Variants in TMEM229B observed in about 807,000 individuals in gnomAD.
TMEM229B encodes transmembrane protein 229B.
TMEM229B carries 6 observed loss-of-function variants against 13.7 expected under a neutral mutation model. That is an observed-to-expected ratio of 0.44 (90% confidence interval 0.24 to 0.86). The LOEUF (loss-of-function observed/expected upper bound fraction) is 0.86, where lower values mean the gene tolerates loss of function less well. Among genes scored for constraint, TMEM229B ranks in the 40% least tolerant of loss-of-function variants. The pLI, the probability that TMEM229B is intolerant of heterozygous loss-of-function variation, is 0.23. For missense variants in TMEM229B, 170 were observed against 236.0 expected (o/e 0.72, Z 1.83); for synonymous variants, 107 against 102.1 (o/e 1.05, Z -0.29).
At chr14:67,531,547 A>G (rs527446307) in intron 1 of TMEM229B, among the ~76,000 whole-genome samples, 15 of 152,066 alleles carry the variant, frequency 9.9e-5, no homozygotes, top group African/African-American at 3.1e-4. Flanking sequence ...GTAACCAGCT[A>G]TAGGGGAGAG....
upstream of TMEM229B, among the ~76,000 whole-genome samples, chr14:67,519,281 A>G (rs1428283497): frequency 1.3e-5 from 2 of 152,240 alleles, no homozygotes; most frequent in Non-Finnish European, 2.9e-5. Flanking sequence ...TTCATTGGAA[A>G]AGAATATGAT....
intron 1 of TMEM229B, among the ~76,000 whole-genome samples, chr14:67,512,288 C>A (rs1450090276): frequency 6.6e-6 from 1 of 152,168 alleles, no homozygotes; most frequent in Non-Finnish European, 1.5e-5. Context: ...TTACACTTTA[C>A]TTTTCAAATA....
intron 1 of TMEM229B, among the ~76,000 whole-genome samples, chr14:67,496,398 T>TTTG (rs2032375254): frequency 8.3e-6 from 1 of 120,828 alleles, no homozygotes; most frequent in African/African-American, 3.1e-5. Context: ...GGCGTTTTTT[T>TTTG]TTTTTTTTTT....
At chr14:67,528,651 C>T (rs2033402449) in intron 1 of TMEM229B, among the ~76,000 whole-genome samples, 1 of 152,146 alleles carries the variant, frequency 6.6e-6, no homozygotes, top group South Asian at 2.1e-4. Flanking sequence ...GCTCTTTCTC[C>T]CTCCCTCTCC....
At chr14:67,494,690 T>C (rs2032298910) in intron 1 of TMEM229B, among the ~76,000 whole-genome samples, 1 of 152,192 alleles carries the variant, frequency 6.6e-6, no homozygotes, top group South Asian at 2.1e-4. Flanking sequence ...GATGGCTGGC[T>C]GTGGTGCACA....
chr14:67,510,661 T>C (rs947623180), intron 1 of TMEM229B, among the ~76,000 whole-genome samples: 4 of 152,132 alleles, frequency 2.6e-5, no homozygotes, highest in South Asian at 2.1e-4. Flanking sequence ...AGAAAGTAGA[T>C]GAAAGTAAGA....
intron 1 of TMEM229B, among the ~76,000 whole-genome samples, chr14:67,508,071 G>A (rs1248218035): frequency 3.3e-5 from 5 of 149,660 alleles, no homozygotes; most frequent in Non-Finnish European, 7.4e-5. Flanking sequence ...CCGGGAGGTG[G>A]AGTTTGCTGT....
At position 67,471,617 on chromosome 14, in the gene TMEM229B, G is replaced by A. The variant is rs971404278; in HGVS notation, c.*1803C>T. ...GAAAGTAGTTCATCCCTGGATTTGA[G>A]GAGCCTGCCCAGGAAATAGGCTAGG... On this transcript the variant is annotated 3_prime_UTR_variant, in exon 3 of 3. Transcript: ENST00000554480. 19 of 152,226 alleles carry A rather than the reference G, an allele frequency of 1.2e-4. No individual in the cohort carries two copies. Among genetic ancestry groups the A allele is most frequent in the African/African-American group, 4.3e-4 (18 of 41,438 alleles). The allele number at this position is 152,226 out of a possible 1,614,324, so 9.4% of individuals were successfully genotyped here.
At chr14:67,518,460 G>A (rs1418093127), upstream of TMEM229B, among the ~76,000 whole-genome samples, 1 of 152,162 alleles carries the variant, frequency 6.6e-6, no homozygotes, top group African/African-American at 2.4e-5. Flanking sequence ...TAATACACAG[G>A]TAATAAGTGG....
chr14:67,522,421 G>C (rs771142724), intron 1 of TMEM229B, among the ~76,000 whole-genome samples: 15 of 152,146 alleles, frequency 9.9e-5, no homozygotes, highest in Admixed American at 2.0e-4. Flanking sequence ...TCGTCTGAGG[G>C]GGGACAAAGG....
intron 2 of TMEM229B, among the ~76,000 whole-genome samples, chr14:67,480,074 T>C (rs1280418670): frequency 6.6e-6 from 1 of 152,202 alleles, no homozygotes; most frequent in Non-Finnish European, 1.5e-5. Flanking sequence ...AGAAGGCTGT[T>C]GTGAGGACGA....
upstream of TMEM229B, among the ~76,000 whole-genome samples, chr14:67,489,750 G>A (rs1426297066): frequency 6.6e-6 from 1 of 152,176 alleles, no homozygotes; most frequent in Admixed American, 6.5e-5. Context: ...CAGCACATTG[G>A]GAGGCCGAGG....
rs1005601848 is a variant in TMEM229B, at chr14:67,473,125, C to T, written c.*295G>A. On this transcript the variant is annotated 3_prime_UTR_variant, in exon 3 of 3. Coordinates refer to ENST00000554480, the MANE Select transcript of TMEM229B (RefSeq NM_001348543.2). This position sits in a 1 kb window ranked among gnomAD's most constrained non-coding sequence, Gnocchi z 6.5. ...CAGGGCCTGCTGCTTCCAAAGTCAA[C>T]TACATAGTCCATCGCTGCTCAGCCA... is the stretch of plus-strand genomic sequence containing the variant. 2.4e-6 allele frequency: 1 copy of T among 412,402 alleles called. No homozygotes were observed. Among genetic ancestry groups the T allele is most frequent in the Non-Finnish European group, 4.5e-6 (1 of 222,900 alleles). 25.5% of individuals were successfully genotyped at this position (412,402 alleles called of 1,614,324 possible).
chr14:67,475,445 A>G (rs921825533), intron 2 of TMEM229B, among the ~76,000 whole-genome samples: 3 of 152,142 alleles, frequency 2.0e-5, no homozygotes, highest in African/African-American at 7.2e-5. Context: ...TTCTATGGTT[A>G]ACTTTCTGAG....
At chr14:67,504,705 TG>T (rs2032752859) in intron 1 of TMEM229B, among the ~76,000 whole-genome samples, 1 of 152,130 alleles carries the variant, frequency 6.6e-6, no homozygotes, top group South Asian at 2.1e-4. Context: ...GCCAACTTGG[TG>T]AAACCCTGTC....
intron 1 of TMEM229B, among the ~76,000 whole-genome samples, chr14:67,501,044 T>TTAATAATCA (rs1555360694): frequency 7.3e-6 from 1 of 137,384 alleles, no homozygotes; most frequent in East Asian, 2.1e-4. Context: ...TACTTGGGGG[T>TTAATAATCA]TAATAATAAT....
rs1594671260 is a variant in TMEM229B, at chr14:67,472,967, T to G, written c.*453A>C. 1 of 177,718 alleles carries G rather than the reference T, an allele frequency of 5.6e-6. No homozygotes were observed. The highest frequency in any genetic ancestry group is 1.2e-5 in the Non-Finnish European group (1 of 82,994). The allele number at this position is 177,718 out of a possible 1,614,324, so 11.0% of individuals were successfully genotyped here. A position where few individuals can be genotyped will look rare whatever the true frequency, so the allele number is the denominator to read the frequency against. The stretch of plus-strand genomic sequence containing the variant: ...GCAGCTCAGCAGGCCCCTGGGGAGG[T>G]ATTGGTTGCAAGCAAGCACCTGAAT... On this transcript the variant is annotated 3_prime_UTR_variant, in exon 3 of 3. Coordinates refer to ENST00000554480, the MANE Select transcript of TMEM229B (RefSeq NM_001348543.2).
intron 1 of TMEM229B, among the ~76,000 whole-genome samples, chr14:67,523,723 T>C (rs1185918088): frequency 2.6e-5 from 4 of 152,274 alleles, no homozygotes; most frequent in Non-Finnish European, 5.9e-5. Context: ...CACACTTCTT[T>C]TTGTTAAAAG....
intron 2 of TMEM229B, among the ~76,000 whole-genome samples, chr14:67,484,473 A>G (rs965338829): frequency 2.0e-5 from 3 of 152,262 alleles, no homozygotes; most frequent in African/African-American, 7.2e-5. Flanking sequence ...TAAAAGCAAC[A>G]TGTGCTCACA....
Sources: gnomAD v4.1 joint callset for allele counts (sites outside exome capture counted in the v4.1 genomes callset) on GRCh38, gnomAD v4.1.1 for gene constraint, Gnocchi (gnomAD v3.1) non-coding constraint, MANE v1.5 for transcripts, NCBI Gene and HGNC (gene_info 2026-07-23, HGNC 2026-07-21) for gene names.